Variants in AMOTL1 observed in about 807,000 individuals in gnomAD.
AMOTL1 encodes the protein angiomotin like 1.
In AMOTL1, 45 loss-of-function variants were observed where a neutral mutation model predicts 102.9. That is an observed-to-expected ratio of 0.44 (90% CI 0.34 to 0.56). The LOEUF (loss-of-function observed/expected upper bound fraction) is 0.56, where lower values mean the gene tolerates loss of function less well. Among genes scored for constraint, AMOTL1 ranks in the 20% least tolerant of loss-of-function variants. The pLI is 0.01. For synonymous variants in AMOTL1, 481 were observed against 484.7 expected (o/e 0.99, Z 0.10); for missense variants, 1,114 against 1,225.6 (o/e 0.91, Z 1.36).
chr11:94,763,898 A>G (rs1266679159), upstream of AMOTL1, among the ~76,000 whole-genome samples: 1 of 152,170 alleles, frequency 6.6e-6, no homozygotes, highest in Non-Finnish European at 1.5e-5. Flanking sequence ...CCATTGTAAA[A>G]CAGAGAACTG....
chr11:94,804,582 C>T (rs1256145374), intron 3 of AMOTL1, among the ~76,000 whole-genome samples: 1 of 152,168 alleles, frequency 6.6e-6, no homozygotes, highest in Non-Finnish European at 1.5e-5. Flanking sequence ...GAACACTGCA[C>T]CCTGCCTGCA....
chr11:94,855,234 A>G (rs1361753411), intron 8 of AMOTL1, among the ~76,000 whole-genome samples: 1 of 152,250 alleles, frequency 6.6e-6, no homozygotes, highest in African/African-American at 2.4e-5. Context: ...CTCACAGGGC[A>G]GGCCCATGCA....
At chr11:94,802,361 C>T (rs938694261) in intron 3 of AMOTL1, among the ~76,000 whole-genome samples, 4 of 152,218 alleles carry the variant, frequency 2.6e-5, no homozygotes, top group African/African-American at 9.7e-5. Context: ...CTTAACTCAG[C>T]CTCTAGAGCT....
Position 94,854,232 on chromosome 11 carries a change from C to T in AMOTL1, c.1944+150C>T, listed in dbSNP as rs549008013. ...TGTCCTCAGTGAACCCATACAACAA[C>T]CAGGAGAGAAGGCGAGCAGTCCGCT... On this transcript the variant is annotated intron_variant, in intron 8 of 12. Coordinates refer to ENST00000433060, the MANE Select transcript of AMOTL1 (RefSeq NM_130847.3). 24 of 1,071,206 alleles carry T rather than the reference C, an allele frequency of 2.2e-5. No homozygotes were observed. The African/African-American group carries it at 3.4e-4, about 15-fold the overall frequency. 66.4% of individuals were successfully genotyped at this position (1,071,206 alleles called of 1,614,324 possible).
intron 2 of AMOTL1, among the ~76,000 whole-genome samples, chr11:94,738,714 C>A (rs75707316): frequency 0.024 from 3,592 of 152,176 alleles, 211 homozygotes; most frequent in East Asian, 0.17. Context: ...AATAATGAAA[C>A]TGGAAACTAA....
rs770368001 is a variant in AMOTL1, at chr11:94,741,691, A to G, written c.136+703A>G. 5.9e-5 allele frequency among the ~76,000 whole-genome samples: 9 copies of G among 151,346 alleles called. 1 individual carries two copies. The highest frequency in any genetic ancestry group is 1.2e-4 in the Non-Finnish European group (8 of 67,880). On this transcript the variant is annotated intron_variant, in intron 3 of 4. Coordinates refer to the AMOTL1 transcript ENST00000299004. ...ATCTCTCTAACTCTTCCTGCCACCC[A>G]TTCTCACTCGGTGGCTTAGTGGCTC...
chr11:94,821,933 C>A, intron 4 of AMOTL1, 112 bp downstream of exon 4: 1 of 1,374,254 alleles, frequency 7.3e-7, no homozygotes, highest in Non-Finnish European at 1.0e-6. Context: ...TTATACTAGG[C>A]CCTGTGCAAG....
intron 7 of AMOTL1, 126 bp from the exon 8 acceptor site, chr11:94,853,807 C>T (rs1049245116): frequency 4.4e-5 from 44 of 1,007,016 alleles, no homozygotes; most frequent in South Asian, 3.0e-4. Context: ...AGGAGTAGGG[C>T]GGTGGGAGGT....
chr11:94,850,010 T>G, intron 6 of AMOTL1, 104 bp from the exon 7 acceptor site: 1 of 1,326,876 alleles, frequency 7.5e-7, no homozygotes, highest in Non-Finnish European at 1.0e-6. Context: ...CTCCATTATT[T>G]GCATGCTTTT....
intron 6 of AMOTL1, among the ~76,000 whole-genome samples, chr11:94,838,378 TG>T (rs1814903523): frequency 6.6e-6 from 1 of 152,230 alleles, no homozygotes; most frequent in South Asian, 2.1e-4. Context: ...ATCAACTCAC[TG>T]TGTTTTAGGC....
intron 3 of AMOTL1, among the ~76,000 whole-genome samples, chr11:94,742,968 C>T (rs1378242023): frequency 6.6e-6 from 1 of 152,196 alleles, no homozygotes; most frequent in African/African-American, 2.4e-5. Context: ...AAGGCCTCAC[C>T]TCCAAATACC....
intron 3 of AMOTL1, among the ~76,000 whole-genome samples, chr11:94,751,798 A>T (rs1213063930): frequency 2.0e-5 from 3 of 151,406 alleles, no homozygotes; most frequent in African/African-American, 4.9e-5. Context: ...ACACACACAC[A>T]CACGTGCACA....
intron 3 of AMOTL1, among the ~76,000 whole-genome samples, chr11:94,744,595 G>A (rs936137129): frequency 1.3e-5 from 2 of 152,164 alleles, no homozygotes; most frequent in South Asian, 2.1e-4. Flanking sequence ...GTGGGGAAGT[G>A]GGGAGAATAG....
chr11:94,772,718 G>A (rs748183404), intron 1 of AMOTL1, among the ~76,000 whole-genome samples: 4 of 152,062 alleles, frequency 2.6e-5, no homozygotes, highest in Non-Finnish European at 4.4e-5. Context: ...TTTCTCTGGC[G>A]TAAATGCCCA....
At chr11:94,711,281 G>T (rs1950018557) in intron 1 of AMOTL1, among the ~76,000 whole-genome samples, 1 of 151,994 alleles carries the variant, frequency 6.6e-6, no homozygotes. Flanking sequence ...AGAATAGCTG[G>T]CTTGTATATT....
chr11:94,770,564 A>G (rs749010244), intron 1 of AMOTL1, among the ~76,000 whole-genome samples: 8 of 152,190 alleles, frequency 5.3e-5, no homozygotes, highest in Non-Finnish European at 1.0e-4. Context: ...GCAGGTGGAT[A>G]GGAGAGAAGG....
intron 6 of AMOTL1, among the ~76,000 whole-genome samples, chr11:94,845,136 C>T (rs1443113458): frequency 6.6e-6 from 1 of 152,206 alleles, no homozygotes; most frequent in Non-Finnish European, 1.5e-5. Context: ...GATGGTAGAA[C>T]AGGGTCGTCT....
Position 94,805,056 on chromosome 11 carries a change from G to A in AMOTL1, c.1121+4745G>A, listed in dbSNP as rs114736705. 8.5e-3 allele frequency among the ~76,000 whole-genome samples: 1,302 copies of A among 152,354 alleles called. 22 individuals carry two copies. Among genetic ancestry groups the A allele is most frequent in the African/African-American group, 0.03 (1,242 of 41,570 alleles). ...CAGCTTGCAAGTGCAGGAGCCAGGTGCAGACCTGGAATGCTTTGCTGCACA... is the reference window on the plus strand; with the variant it reads ...CAGCTTGCAAGTGCAGGAGCCAGGTACAGACCTGGAATGCTTTGCTGCACA... On this transcript the variant is annotated intron_variant, in intron 3 of 12. Transcript: ENST00000433060.
At chr11:94,754,091 T>C (rs182805093) in intron 3 of AMOTL1, among the ~76,000 whole-genome samples, 135 of 152,312 alleles carry the variant, frequency 8.9e-4, no homozygotes, top group African/African-American at 3.2e-3. Context: ...ATAGGGTTAT[T>C]GGAAGGGGTT....
Sources: gnomAD v4.1 joint callset for allele counts (sites outside exome capture counted in the v4.1 genomes callset) on GRCh38, gnomAD v4.1.1 for gene constraint, MANE v1.5 for transcripts, NCBI Gene and HGNC (gene_info 2026-07-23, HGNC 2026-07-21) for gene names.